Variants in CALN1 observed in about 807,000 individuals in gnomAD.
The protein encoded by CALN1 is calcium-binding protein 8.
Under a neutral mutation model 30.6 loss-of-function variants are expected in CALN1, and 17 were observed. The observed-to-expected ratio is 0.56, with a 90% confidence interval of 0.38 to 0.83. The LOEUF is 0.83. CALN1 is among the 40% of genes least tolerant of loss of function. CALN1 has a pLI of 0.00. For missense variants in CALN1, 291 were observed against 354.9 expected (o/e 0.82, Z 1.45); for synonymous variants, 156 against 131.4 (o/e 1.19, Z -1.28).
the CALN1 span, among the ~76,000 whole-genome samples, chr7:72,484,963 A>G: frequency 6.6e-6 from 1 of 152,258 alleles, no homozygotes; most frequent in African/African-American, 2.4e-5. Flanking sequence ...TTTTACCTTG[A>G]CTAAAAGTGA....
intron 5 of CALN1, among the ~76,000 whole-genome samples, chr7:71,886,211 C>T (rs868147111): frequency 1.6e-4 from 24 of 152,264 alleles, no homozygotes; most frequent in African/African-American, 4.6e-4. Context: ...GCCCCACCGC[C>T]GCAAGGCGAA....
chr7:71,999,666 C>G (rs1482901200), intron 5 of CALN1, among the ~76,000 whole-genome samples: 1 of 152,028 alleles, frequency 6.6e-6, no homozygotes, highest in Non-Finnish European at 1.5e-5. Context: ...CAGGCATACA[C>G]CACCACACCC....
intron 2 of CALN1, among the ~76,000 whole-genome samples, chr7:72,308,689 AT>A (rs1385262363): frequency 6.6e-6 from 1 of 151,792 alleles, no homozygotes; most frequent in Non-Finnish European, 1.5e-5. Flanking sequence ...GGTTGTGTTC[AT>A]TTTTTTTGGT....
chr7:71,847,878 G>A (rs1246538065), intron 5 of CALN1, among the ~76,000 whole-genome samples: 2 of 144,332 alleles, frequency 1.4e-5, no homozygotes, highest in Non-Finnish European at 3.0e-5. Context: ...TTCCCTTTTT[G>A]CTCGGCTCTC....
At chr7:72,314,932 G>A (rs1256127253) in intron 2 of CALN1, among the ~76,000 whole-genome samples, 2 of 149,098 alleles carry the variant, frequency 1.3e-5, no homozygotes, top group African/African-American at 4.9e-5. Context: ...AGGATCACTT[G>A]AGGCCAGAGT....
At chr7:71,986,584 T>C (rs1453920662) in intron 5 of CALN1, among the ~76,000 whole-genome samples, 1 of 152,148 alleles carries the variant, frequency 6.6e-6, no homozygotes, top group Non-Finnish European at 1.5e-5. Context: ...ACTACACACC[T>C]ACATAGAAAA....
At position 72,338,484 on chromosome 7, in the gene CALN1, T is replaced by TGC. The variant is rs1802212847; in HGVS notation, c.120-59675_120-59674insGC. Reference sequence around the variant, plus strand: ...GCCAGCAGCACAGTGTGTGTGTGTGTGTGTGTGTGTGTGTGTGTGTGTGTG... The same window carrying TGC: ...GCCAGCAGCACAGTGTGTGTGTGTGTGCGTGTGTGTGTGTGTGTGTGTGTGTG... On this transcript the variant is annotated intron_variant, in intron 2 of 6. Transcript: ENST00000395275. Among the ~76,000 whole-genome samples, 10 of 126,864 alleles carry TGC rather than the reference T, an allele frequency of 7.9e-5. No individual in the cohort carries two copies. In the South Asian group the frequency reaches 2.1e-3, roughly 26 times the overall value. The allele number at this position is 126,864 out of a possible 152,430, so 83.2% of individuals were successfully genotyped here. A position where few individuals can be genotyped will look rare whatever the true frequency, so the allele number is the denominator to read the frequency against.
chr7:71,880,391 T>C (rs556520984), intron 5 of CALN1, among the ~76,000 whole-genome samples: 1 of 152,282 alleles, frequency 6.6e-6, no homozygotes, highest in East Asian at 1.9e-4. Flanking sequence ...TTTCCCTTGC[T>C]CTCTGTGGCT....
intron 3 of CALN1, among the ~76,000 whole-genome samples, chr7:72,158,836 T>C (rs1208393028): frequency 1.3e-5 from 2 of 152,100 alleles, no homozygotes; most frequent in African/African-American, 2.4e-5. Flanking sequence ...CCTCTTATTA[T>C]GTGAGATTTA....
the CALN1 span, among the ~76,000 whole-genome samples, chr7:72,494,248 G>A: frequency 7.9e-4 from 120 of 152,298 alleles, no homozygotes; most frequent in Non-Finnish European, 1.4e-3. Context: ...GGATGTTCGT[G>A]CATTCGGGGA....
At chr7:72,302,620 G>A (rs1420820375) in intron 2 of CALN1, among the ~76,000 whole-genome samples, 1 of 152,016 alleles carries the variant, frequency 6.6e-6, no homozygotes, top group Non-Finnish European at 1.5e-5. Flanking sequence ...CAGGATGAGC[G>A]CAGTGGCTCA....
chr7:71,976,299 G>C (rs1452512833), intron 5 of CALN1, among the ~76,000 whole-genome samples: 2 of 152,174 alleles, frequency 1.3e-5, no homozygotes, highest in East Asian at 3.9e-4. Flanking sequence ...GAACCAGAGA[G>C]AAAGGCAAAT....
intron 1 of CALN1, among the ~76,000 whole-genome samples, chr7:72,406,474 T>A (rs1169312537): frequency 6.6e-6 from 1 of 152,158 alleles, no homozygotes; most frequent in Non-Finnish European, 1.5e-5. Flanking sequence ...ATTTCCAGAA[T>A]TTGTCCTCTA....
At chr7:71,948,749 A>G (rs1021854717) in intron 5 of CALN1, among the ~76,000 whole-genome samples, 1 of 147,608 alleles carries the variant, frequency 6.8e-6, no homozygotes, top group African/African-American at 2.5e-5. Context: ...AAAAAATAAT[A>G]ATTTGTTTTC....
At position 72,245,518 on chromosome 7, in the gene CALN1, C is replaced by T. The variant is rs536369539; in HGVS notation, c.244+33168G>A. Among the ~76,000 whole-genome samples, 7 of 152,218 alleles carry T rather than the reference C, an allele frequency of 4.6e-5. No individual in the cohort carries two copies. In the East Asian group the frequency reaches 7.7e-4, roughly 17 times the overall value. On this transcript the variant is annotated intron_variant, in intron 3 of 6. Coordinates refer to ENST00000395275, the MANE Select transcript of CALN1 (RefSeq NM_031468.4). The stretch of plus-strand genomic sequence containing the variant: ...CCTGTAATCCCAGCTACTCAGGAGG[C>T]TGAAGCATGAGAATCACTTGACCTG...
chr7:71,855,843 T>C (rs1383695095), intron 5 of CALN1, among the ~76,000 whole-genome samples: 1 of 152,132 alleles, frequency 6.6e-6, no homozygotes. Flanking sequence ...TTGGTCAGAG[T>C]TGATTTCTGT....
intron 1 of CALN1, among the ~76,000 whole-genome samples, chr7:72,443,287 G>C (rs934044334): frequency 6.6e-6 from 1 of 152,188 alleles, no homozygotes; most frequent in South Asian, 2.1e-4. Flanking sequence ...ACTGCATCCA[G>C]GTGCGTAGGA....
At chr7:72,025,005 G>A (rs1245928714) in intron 4 of CALN1, among the ~76,000 whole-genome samples, 2 of 152,044 alleles carry the variant, frequency 1.3e-5, no homozygotes, top group Non-Finnish European at 2.9e-5. Flanking sequence ...TGTACCTACT[G>A]TAGAATTTAA....
intron 3 of CALN1, among the ~76,000 whole-genome samples, chr7:72,149,284 G>A (rs372369712): frequency 6.6e-6 from 1 of 151,708 alleles, no homozygotes; most frequent in African/African-American, 2.4e-5. Flanking sequence ...CCTGGCCAAC[G>A]TGGTAAAACC....
Sources: gnomAD v4.1 joint callset for allele counts (sites outside exome capture counted in the v4.1 genomes callset) on GRCh38, gnomAD v4.1.1 for gene constraint, MANE v1.5 for transcripts, NCBI Gene and HGNC (gene_info 2026-07-23, HGNC 2026-07-21) for gene names.